CDH2: variants seen among roughly 807,000 people sequenced by gnomAD.
CDH2 encodes the protein cadherin-2.
A neutral mutation model predicts 92.0 loss-of-function variants in CDH2; 17 were observed. The observed-to-expected ratio is 0.18, with a 90% CI of 0.13 to 0.28. CDH2 has a LOEUF of 0.28. Ranked by LOEUF, CDH2 falls within the 10% of genes least tolerant of loss-of-function variation. CDH2 has a pLI of 1.00. For synonymous variants in CDH2, 419 were observed against 415.9 expected, an observed-to-expected ratio of 1.01 and a Z score of -0.09; for missense variants, 862 against 1,133.1, an observed-to-expected ratio of 0.76 and a Z score of 3.44.
chr18:28,057,543 C>T (rs2014315760), intron 2 of CDH2, among the ~76,000 whole-genome samples: 1 of 151,928 alleles, frequency 6.6e-6, no homozygotes, highest in Non-Finnish European at 1.5e-5. Context: ...TGGTGTGCAC[C>T]TGTAATCCCA....
At chr18:28,159,270 G>C (rs1477045069) in intron 1 of CDH2, 1 of 152,194 alleles carries the variant, frequency 6.6e-6, no homozygotes, top group Non-Finnish European at 1.5e-5. Flanking sequence ...TTCCATGCTG[G>C]GAGCTCACAG....
intron 2 of CDH2, among the ~76,000 whole-genome samples, chr18:28,079,771 T>A (rs1007354493): frequency 1.3e-5 from 2 of 152,154 alleles, no homozygotes; most frequent in Non-Finnish European, 2.9e-5. Flanking sequence ...GGTGGACACT[T>A]TGTTCTAGCA....
intron 1 of CDH2, among the ~76,000 whole-genome samples, chr18:28,171,483 C>A (rs1423976655): frequency 6.6e-6 from 1 of 152,068 alleles, no homozygotes; most frequent in East Asian, 1.9e-4. Context: ...TTCCTTTAAG[C>A]CTAAACCCCT....
chr18:28,018,193 C>T (rs1247832246), intron 2 of CDH2, among the ~76,000 whole-genome samples: 1 of 150,440 alleles, frequency 6.6e-6, no homozygotes, highest in Non-Finnish European at 1.5e-5. Flanking sequence ...CAACAGACTG[C>T]TGTAAGGAAA....
At chr18:28,077,739 A>C (rs2014748352) in intron 2 of CDH2, among the ~76,000 whole-genome samples, 1 of 151,732 alleles carries the variant, frequency 6.6e-6, no homozygotes, top group South Asian at 2.1e-4. Flanking sequence ...AAAAATACAA[A>C]AATTAGGCGG....
At chr18:28,000,538 G>A (rs1308925792) in intron 7 of CDH2, among the ~76,000 whole-genome samples, 2 of 152,140 alleles carry the variant, frequency 1.3e-5, no homozygotes, top group Admixed American at 6.5e-5. Context: ...ATACTAAGCA[G>A]AGCCAGAGTT....
intron 2 of CDH2, among the ~76,000 whole-genome samples, chr18:28,060,041 T>G (rs770018035): frequency 1.6e-4 from 24 of 147,656 alleles, no homozygotes; most frequent in African/African-American, 6.0e-4. Context: ...CAGACCCTGG[T>G]TTTTTTTTTG....
At chr18:27,957,259 TA>T (rs2143867750) in intron 15 of CDH2, among the ~76,000 whole-genome samples, 1 of 152,084 alleles carries the variant, frequency 6.6e-6, no homozygotes, top group Admixed American at 6.6e-5. Context: ...TTTTATTTTT[TA>T]TTTTTAGAGA....
At chr18:28,110,761 G>T (rs962929676) in intron 2 of CDH2, among the ~76,000 whole-genome samples, 1 of 152,088 alleles carries the variant, frequency 6.6e-6, no homozygotes, top group African/African-American at 2.4e-5. Flanking sequence ...AAATGAAAAA[G>T]ACACCTATAT....
At chr18:28,109,051 C>G (rs184365796) in intron 2 of CDH2, among the ~76,000 whole-genome samples, 1 of 152,164 alleles carries the variant, frequency 6.6e-6, no homozygotes, top group Admixed American at 6.5e-5. Flanking sequence ...AAACCAGCAT[C>G]TGAACCACAG....
chr18:28,175,821 C>A (rs1000065670), intron 1 of CDH2, among the ~76,000 whole-genome samples: 5 of 152,238 alleles, frequency 3.3e-5, no homozygotes, highest in African/African-American at 1.2e-4. Context: ...GTGGATTTTC[C>A]TGCCCCGCGG....
At chr18:27,941,033 CT>C (rs59212895) in intron 6 of CDH2, among the ~76,000 whole-genome samples, 10,037 of 124,504 alleles carry the variant, frequency 0.081, 350 homozygotes, top group East Asian at 0.32. Context: ...TAAGTAGCAC[CT>C]TTTTTTTTTT....
chr18:28,078,513 C>T (rs952263994), intron 2 of CDH2, among the ~76,000 whole-genome samples: 1 of 152,056 alleles, frequency 6.6e-6, no homozygotes, highest in African/African-American at 2.4e-5. Context: ...GGCAATGACG[C>T]TATTTCTGAC....
intron 2 of CDH2, among the ~76,000 whole-genome samples, chr18:28,139,081 CAT>C (rs1271506666): frequency 6.6e-6 from 1 of 151,994 alleles, no homozygotes; most frequent in East Asian, 1.9e-4. Flanking sequence ...CTTCTGCTGA[CAT>C]AAAATCATCA....
intron 2 of CDH2, among the ~76,000 whole-genome samples, chr18:28,106,882 A>G (rs1403296829): frequency 6.6e-6 from 1 of 152,208 alleles, no homozygotes; most frequent in Non-Finnish European, 1.5e-5. Flanking sequence ...AGTGAAAATT[A>G]TTATAGATAT....
At chr18:28,175,245 C>A (rs963480052) in intron 1 of CDH2, among the ~76,000 whole-genome samples, 7 of 152,164 alleles carry the variant, frequency 4.6e-5, no homozygotes, top group African/African-American at 1.7e-4. Flanking sequence ...CATCCACTCT[C>A]CAAAACTGCA....
chr18:28,077,890 C>CAAAA (rs71171659), intron 2 of CDH2, among the ~76,000 whole-genome samples: 2 of 67,314 alleles, frequency 3.0e-5, no homozygotes, highest in African/African-American at 5.9e-5. Flanking sequence ...GACCCTGTCT[C>CAAAA]AAAAAAAAAA....
rs2014712473 is a variant in CDH2 at position 28,076,022 on chromosome 18, A to T, written c.173-62113T>A. Among the ~76,000 whole-genome samples the T allele has an allele frequency of 2.6e-5, 4 of 152,204 alleles. No individual in the cohort carries two copies. The South Asian group carries it at 8.3e-4, about 31-fold the overall frequency. ...GTTATTTGTGATATTACTAGCAGCC[A>T]GATCACACCATCTTCTTTAGCAATC... On this transcript the variant is annotated intron_variant, in intron 2 of 15. Coordinates refer to ENST00000269141, the MANE Select transcript of CDH2 (RefSeq NM_001792.5).
At position 28,177,066 on chromosome 18, in the gene CDH2, C is replaced by T; in HGVS notation, c.-44G>A. On this transcript the variant is annotated 5_prime_UTR_variant, in exon 1 of 16. Coordinates refer to ENST00000269141, the MANE Select transcript of CDH2 (RefSeq NM_001792.5). The stretch of plus-strand genomic sequence containing the variant: ...AGCGAAGAGCCGGAGGAGGCGGCGG[C>T]GGCGGCGGCGGCGGCGGAGGAGGAG... 2 of 1,338,546 alleles carry T rather than the reference C, an allele frequency of 1.5e-6. No individual in the cohort carries two copies. The highest frequency in any genetic ancestry group is 2.0e-6 in the Non-Finnish European group (2 of 992,674). The allele number at this position is 1,338,546 out of a possible 1,614,324, so 82.9% of individuals were successfully genotyped here.
Sources: allele counts gnomAD v4.1 joint callset (sites outside exome capture counted in the v4.1 genomes callset), GRCh38; gene constraint gnomAD v4.1.1; transcripts MANE v1.5; gene names NCBI Gene and HGNC (gene_info 2026-07-23, HGNC 2026-07-21).